The following TENM2 variants were observed in gnomAD, a reference collection of about 807,000 sequenced individuals.
TENM2 encodes the protein teneurin transmembrane protein 2.
TENM2 carries 52 observed loss-of-function variants against 245.2 expected under a neutral mutation model. The ratio of observed to expected loss-of-function variants is 0.21; its 90% CI spans 0.17 to 0.27. The LOEUF is 0.27. Among genes scored for constraint, TENM2 ranks in the 10% least tolerant of loss-of-function variants. TENM2 has a pLI of 1.00. For synonymous variants in TENM2, 1,363 were observed against 1,438.9 expected, an observed-to-expected ratio of 0.95 and a Z score of 1.19; for missense variants, 3,046 against 3,666.8, an observed-to-expected ratio of 0.83 and a Z score of 4.37.
chr5:167,372,143 T>C (rs1013545967), intron 1 of TENM2, among the ~76,000 whole-genome samples: 10 of 152,184 alleles, frequency 6.6e-5, no homozygotes, highest in African/African-American at 2.4e-4. Flanking sequence ...TATACCAATG[T>C]AAACATACTC....
the TENM2 span, among the ~76,000 whole-genome samples, chr5:167,059,878 A>G: frequency 3.9e-4 from 59 of 151,924 alleles, no homozygotes; most frequent in Non-Finnish European, 7.5e-4. Flanking sequence ...TAATTTTTGT[A>G]TTGTTAGTAG....
chr5:167,665,339 A>C (rs1755500774), intron 2 of TENM2, among the ~76,000 whole-genome samples: 1 of 152,158 alleles, frequency 6.6e-6, no homozygotes, highest in South Asian at 2.1e-4. Context: ...AGATGTCATT[A>C]GTGTCATCCT....
At chr5:168,147,618 G>A (rs769833765) in intron 12 of TENM2, among the ~76,000 whole-genome samples, 7 of 152,166 alleles carry the variant, frequency 4.6e-5, no homozygotes, top group Non-Finnish European at 7.3e-5. Flanking sequence ...ACTAAAGCAG[G>A]CAATGCCATT....
the TENM2 span, among the ~76,000 whole-genome samples, chr5:167,158,846 CCCTTCCTTCCTTCCTT>C: frequency 2.7e-3 from 231 of 86,060 alleles, 2 homozygotes; most frequent in East Asian, 0.025. Flanking sequence ...TCCATAGCAG[CCCTTCCTTCCTTCCTT>C]CCTTCCTTCC....
intron 6 of TENM2, among the ~76,000 whole-genome samples, chr5:168,060,421 C>CAAACA (rs1267744327): frequency 2.6e-5 from 4 of 151,920 alleles, no homozygotes; most frequent in Admixed American, 2.0e-4. Flanking sequence ...CTCAAAAAAA[C>CAAACA]AAACAAAACA....
intron 2 of TENM2, among the ~76,000 whole-genome samples, chr5:167,383,583 C>T (rs1561911963): frequency 6.6e-6 from 1 of 152,028 alleles, no homozygotes; most frequent in African/African-American, 2.4e-5. Context: ...CCCCCAACAT[C>T]TTCCCTCCCC....
chr5:167,447,537 G>C (rs995125709), intron 2 of TENM2, among the ~76,000 whole-genome samples: 1 of 152,096 alleles, frequency 6.6e-6, no homozygotes. Flanking sequence ...TTTGACTTGG[G>C]TGAGGATCTC....
rs533034222 is a variant in TENM2 at position 167,294,578 on chromosome 5, G to A, written c.226+9515G>A. 1.2e-3 allele frequency among the ~76,000 whole-genome samples: 182 copies of A among 152,150 alleles called. 3 individuals are homozygous for A. In the South Asian group the frequency reaches 0.036, roughly 30 times the overall value. Reference sequence around the variant, plus strand: ...AACTTGACCTGTCATTCCACAGGGCGAGTTTTATTCCCCATCCCACCACTC... The same window carrying A: ...AACTTGACCTGTCATTCCACAGGGCAAGTTTTATTCCCCATCCCACCACTC... On this transcript the variant is annotated intron_variant, in intron 1 of 28. Coordinates refer to ENST00000518659, the Ensembl canonical transcript of TENM2.
chr5:167,374,994 G>A (rs985371786), intron 1 of TENM2, among the ~76,000 whole-genome samples: 1 of 151,986 alleles, frequency 6.6e-6, no homozygotes, highest in Admixed American at 6.6e-5. Context: ...TCCTATCATC[G>A]ATATTTACTT....
chr5:167,661,523 C>T (rs989620701), intron 2 of TENM2, among the ~76,000 whole-genome samples: 8 of 152,176 alleles, frequency 5.3e-5, no homozygotes, highest in Admixed American at 4.6e-4. Flanking sequence ...AGTGATGTCC[C>T]TGGAGCTGAA....
At chr5:168,105,651 T>G (rs1794182582) in intron 9 of TENM2, among the ~76,000 whole-genome samples, 1 of 152,052 alleles carries the variant, frequency 6.6e-6, no homozygotes, top group Non-Finnish European at 1.5e-5. Flanking sequence ...AGTATAGAAT[T>G]GCATTAATTG....
chr5:167,158,522 G>C, the TENM2 span, among the ~76,000 whole-genome samples: 1 of 152,192 alleles, frequency 6.6e-6, no homozygotes. Context: ...CAACGAAAAA[G>C]CATTATTTTT....
At chr5:167,326,369 G>A (rs980677604) in intron 1 of TENM2, among the ~76,000 whole-genome samples, 27 of 151,922 alleles carry the variant, frequency 1.8e-4, no homozygotes, top group African/African-American at 5.8e-4. Flanking sequence ...AATTTTATAC[G>A]TACTCTTAAA....
chr5:167,593,643 T>G (rs1200498487), intron 2 of TENM2, among the ~76,000 whole-genome samples: 1 of 152,234 alleles, frequency 6.6e-6, no homozygotes, highest in African/African-American at 2.4e-5. Context: ...TTGCAAATAT[T>G]TATCCTTATC....
intron 4 of TENM2, among the ~76,000 whole-genome samples, chr5:167,983,054 G>T (rs182582268): frequency 2.0e-5 from 3 of 151,876 alleles, no homozygotes; most frequent in African/African-American, 7.3e-5. Context: ...AGTGCATAGC[G>T]AATTCAAGGT....
intron 2 of TENM2, among the ~76,000 whole-genome samples, chr5:167,740,245 T>G (rs951224545): frequency 3.9e-5 from 6 of 152,198 alleles, no homozygotes; most frequent in Admixed American, 2.6e-4. Context: ...TTCTCTTCAT[T>G]TACCCAGTCA....
chr5:167,373,246 A>T (rs1183728101), intron 1 of TENM2, among the ~76,000 whole-genome samples: 1 of 152,248 alleles, frequency 6.6e-6, no homozygotes, highest in East Asian at 1.9e-4. Flanking sequence ...ACATATGTCT[A>T]TTACAAATTA....
intron 13 of TENM2, among the ~76,000 whole-genome samples, chr5:168,166,963 A>G (rs1036193): frequency 0.67 from 101,668 of 151,840 alleles, 35,624 homozygotes; most frequent in African/African-American, 0.9. Flanking sequence ...ATGTAACCTC[A>G]GGAAGCAATG....
intron 2 of TENM2, among the ~76,000 whole-genome samples, chr5:167,525,095 G>A (rs1282987586): frequency 6.6e-6 from 1 of 151,976 alleles, no homozygotes; most frequent in Non-Finnish European, 1.5e-5. Context: ...CCCAAACTGT[G>A]TTGGCCAGTT....
Sources: gnomAD v4.1 joint callset for allele counts (sites outside exome capture counted in the v4.1 genomes callset) on GRCh38, gnomAD v4.1.1 for gene constraint, MANE v1.5 for transcripts, NCBI Gene and HGNC (gene_info 2026-07-23, HGNC 2026-07-21) for gene names.